The following MYO1E variants were observed in gnomAD, a reference collection of about 807,000 sequenced individuals.
MYO1E encodes unconventional myosin-Ie.
In MYO1E, 68 loss-of-function variants were observed where a neutral mutation model predicts 151.1. The observed-to-expected ratio is 0.45, with a 90% CI of 0.37 to 0.55. MYO1E has a LOEUF of 0.55. Among genes scored for constraint, MYO1E ranks in the 20% least tolerant of loss-of-function variants. The pLI is 0.00. For missense variants in MYO1E, 1,363 were observed against 1,389.3 expected (o/e 0.98, Z 0.30); for synonymous variants, 601 against 501.7 (o/e 1.20, Z -2.64).
intron 1 of MYO1E, among the ~76,000 whole-genome samples, chr15:59,346,173 T>G (rs1596434631): frequency 6.6e-6 from 1 of 152,172 alleles, no homozygotes; most frequent in Non-Finnish European, 1.5e-5. Flanking sequence ...CTTCTTCCAC[T>G]TGTGCTTTCT....
At chr15:59,209,304 C>T (rs2079861573) in intron 13 of MYO1E, among the ~76,000 whole-genome samples, 1 of 152,112 alleles carries the variant, frequency 6.6e-6, no homozygotes. Context: ...ATAAGCATTC[C>T]TCATGTTTTA....
chr15:59,353,369 A>AAAAAAAGAAAAGAAAAGAAAAG (rs1178465167), intron 1 of MYO1E, among the ~76,000 whole-genome samples: 1 of 96,850 alleles, frequency 1.0e-5, no homozygotes, highest in African/African-American at 4.2e-5. Context: ...AAAAAAAAAA[A>AAAAAAAGAAAAGAAAAGAAAAG]AAAAGAAAAG....
intron 12 of MYO1E, among the ~76,000 whole-genome samples, chr15:59,212,374 T>C (rs1434850717): frequency 6.6e-6 from 1 of 152,046 alleles, no homozygotes; most frequent in African/African-American, 2.4e-5. Flanking sequence ...GAAGGTCACG[T>C]GAAACCCCCT....
At chr15:59,172,283 G>A (rs1418346426) in intron 21 of MYO1E, among the ~76,000 whole-genome samples, 2 of 152,186 alleles carry the variant, frequency 1.3e-5, no homozygotes, top group Non-Finnish European at 2.9e-5. Context: ...CTTTAACCTG[G>A]GAGGTGGAGG....
chr15:59,175,533 A>G (rs931346), intron 19 of MYO1E, among the ~76,000 whole-genome samples: 146,881 of 152,202 alleles, frequency 0.97, 70,930 homozygotes, highest in South Asian at 1. Context: ...CAGGGGAGGG[A>G]CCACGTAATT....
chr15:59,317,105 T>C (rs1233610805), intron 1 of MYO1E, among the ~76,000 whole-genome samples: 1 of 152,216 alleles, frequency 6.6e-6, no homozygotes, highest in Non-Finnish European at 1.5e-5. Context: ...ATTCCAATCT[T>C]TATCCGTCTA....
At chr15:59,280,758 T>C (rs1268300692) in intron 1 of MYO1E, among the ~76,000 whole-genome samples, 1 of 152,192 alleles carries the variant, frequency 6.6e-6, no homozygotes, top group Admixed American at 6.5e-5. Context: ...GTGTGATATA[T>C]TCTGGCGCAT....
chr15:59,138,068 G>A, intron 27 of MYO1E, 130 bp downstream of exon 27: 1 of 1,121,314 alleles, frequency 8.9e-7, no homozygotes, highest in Admixed American at 1.7e-5. Context: ...CTGAGCCTGA[G>A]GCCTGACCTG....
chr15:59,297,771 G>A (rs2080459569), intron 1 of MYO1E, among the ~76,000 whole-genome samples: 1 of 151,798 alleles, frequency 6.6e-6, no homozygotes, highest in Admixed American at 6.6e-5. Context: ...TAGTACAGAT[G>A]AGGTCTCACT....
chr15:59,144,884 C>T (rs2079432336), intron 26 of MYO1E, among the ~76,000 whole-genome samples: 1 of 152,142 alleles, frequency 6.6e-6, no homozygotes, highest in South Asian at 2.1e-4. Flanking sequence ...ACTCTTGTTG[C>T]CCAGGCTGGA....
At chr15:59,372,319 T>C (rs2140448724) in intron 1 of MYO1E, among the ~76,000 whole-genome samples, 179 bp downstream of exon 1, 1 of 152,206 alleles carries the variant, frequency 6.6e-6, no homozygotes, top group East Asian at 1.9e-4. Flanking sequence ...CCTCGCTCGC[T>C]CTCCCCCGGC....
intron 23 of MYO1E, 30 bp from the exon 24 acceptor site, chr15:59,161,260 C>T (rs183036774): frequency 2.0e-5 from 32 of 1,610,346 alleles, no homozygotes; most frequent in South Asian, 9.9e-5. Context: ...GTTAACAGGT[C>T]GAAGGACGCA....
chr15:59,174,596 A>G (rs1329805834), intron 19 of MYO1E, among the ~76,000 whole-genome samples: 1 of 152,136 alleles, frequency 6.6e-6, no homozygotes, highest in Admixed American at 6.5e-5. Flanking sequence ...TTAGGAAGTC[A>G]GATCAAGTGA....
At chr15:59,211,649 G>A (rs890527163) in intron 12 of MYO1E, among the ~76,000 whole-genome samples, 8 of 152,102 alleles carry the variant, frequency 5.3e-5, no homozygotes, top group South Asian at 2.1e-4. Context: ...CATATTTCCC[G>A]TGACCTCCAA....
intron 1 of MYO1E, among the ~76,000 whole-genome samples, chr15:59,331,165 CCA>C (rs2080695900): frequency 6.6e-6 from 1 of 152,148 alleles, no homozygotes; most frequent in East Asian, 1.9e-4. Context: ...ACTGTATGGT[CCA>C]CAAAGCCTAA....
chr15:59,227,470 T>C lies in MYO1E; in HGVS notation c.631A>G (p.Ile211Val). 2 of 1,614,130 alleles carry C rather than the reference T, an allele frequency of 1.2e-6. No homozygotes were observed. Among genetic ancestry groups the C allele is most frequent in the South Asian group, 2.2e-5 (2 of 91,086 alleles). The change falls in exon 7 of 28, where the codon ATA becomes GTA. Residue 211 changes from isoleucine (I) to valine (V), a missense_variant. Ile to Val is a conservative substitution (Grantham distance 29, BLOSUM62 3). Transcript: ENST00000288235. ...GTAAACAGGAAAACCTGGTAAAATATGTGAAAACTCCGCTCTCCTGGGTTC... is the reference window on the plus strand; with the variant it reads ...GTAAACAGGAAAACCTGGTAAAATACGTGAAAACTCCGCTCTCCTGGGTTC... The part of the protein sequence containing the change: ...MRNPGERSFH[I>V]FYQLIEGASA...
chr15:59,226,198 A>C (rs890944959), intron 7 of MYO1E, among the ~76,000 whole-genome samples: 2 of 152,212 alleles, frequency 1.3e-5, no homozygotes, highest in Non-Finnish European at 2.9e-5. Flanking sequence ...AATTCACAGA[A>C]GTTTTAATCA....
intron 18 of MYO1E, among the ~76,000 whole-genome samples, chr15:59,178,979 CAACTTTCACCTTTG>C (rs2079642440): frequency 6.6e-6 from 1 of 152,224 alleles, no homozygotes; most frequent in Non-Finnish European, 1.5e-5. Context: ...AACTGTGTAT[CAACTTTCACCTTTG>C]AAATTCTGTG....
In MYO1E at chr15:59,163,790, C is replaced by T. The variant is rs137883485; in HGVS notation, c.2481-487G>A. ...GGTTCTCAAGAGGGAAGCCAATATC[C>T]TGGACTTCAAGGTACTTATTAAGAA... On this transcript the variant is annotated intron_variant, in intron 22 of 27. Coordinates refer to ENST00000288235, the MANE Select transcript of MYO1E (RefSeq NM_004998.4). Among the ~76,000 whole-genome samples the T allele has an allele frequency of 1.7e-4, 26 of 152,266 alleles. No individual in the cohort carries two copies. In the East Asian group the frequency reaches 2.5e-3, roughly 15 times the overall value.
Sources: gnomAD v4.1 joint callset for allele counts (sites outside exome capture counted in the v4.1 genomes callset) on GRCh38, gnomAD v4.1.1 for gene constraint, MANE v1.5 for transcripts, NCBI Gene and HGNC (gene_info 2026-07-23, HGNC 2026-07-21) for gene names.